PPARGC1A: variants seen among roughly 807,000 people sequenced by gnomAD.
PPARGC1A encodes peroxisome proliferator-activated receptor gamma coactivator 1-alpha.
In PPARGC1A, 25 loss-of-function variants were observed where a neutral mutation model predicts 88.7. The ratio of observed to expected loss-of-function variants is 0.28; its 90% CI spans 0.21 to 0.39. PPARGC1A has a LOEUF of 0.39. Ranked by LOEUF, PPARGC1A falls within the 10% of genes least tolerant of loss-of-function variation. The pLI is 1.00. For missense variants in PPARGC1A, 880 were observed against 968.7 expected (o/e 0.91, Z 1.22); for synonymous variants, 363 against 355.6 (o/e 1.02, Z -0.24).
chr4:24,296,014 A>ATATGTGTGTATG, the PPARGC1A span, among the ~76,000 whole-genome samples: 9 of 51,356 alleles, frequency 1.8e-4, no homozygotes, highest in African/African-American at 6.2e-4. Context: ...ATGTGTGTAT[A>ATATGTGTGTATG]TATATGTATA....
chr4:24,312,606 G>A, the PPARGC1A span, among the ~76,000 whole-genome samples: 1 of 146,428 alleles, frequency 6.8e-6, no homozygotes, highest in African/African-American at 2.5e-5. Context: ...AAAAATGTGG[G>A]GTGGGGGGGA....
chr4:23,881,397 T>C (rs1357754237), intron 2 of PPARGC1A: 1 of 152,230 alleles, frequency 6.6e-6, no homozygotes, highest in Non-Finnish European at 1.5e-5. Context: ...CTATTGCATG[T>C]TGCTACCCCT....
At chr4:24,252,475 C>A in the PPARGC1A span, among the ~76,000 whole-genome samples, 2 of 152,226 alleles carry the variant, frequency 1.3e-5, no homozygotes, top group Non-Finnish European at 2.9e-5. Context: ...CACTGCCAAC[C>A]AAGATTGCTG....
At chr4:24,215,398 T>C in the PPARGC1A span, among the ~76,000 whole-genome samples, 1 of 152,212 alleles carries the variant, frequency 6.6e-6, no homozygotes, top group Non-Finnish European at 1.5e-5. Flanking sequence ...ATTGGCCTCA[T>C]TAAATTACTG....
At chr4:23,889,004 A>G in intron 1 of PPARGC1A, 1 of 985,358 alleles carries the variant, frequency 1.0e-6, no homozygotes, top group Non-Finnish European at 1.2e-6. Context: ...AGAGCATTCC[A>G]TTGTGCTGAA....
the PPARGC1A span, among the ~76,000 whole-genome samples, chr4:24,135,480 TC>T: frequency 6.6e-6 from 1 of 152,086 alleles, no homozygotes; most frequent in Admixed American, 6.5e-5. Context: ...CTGTGACAAC[TC>T]TTTGGCATTT....
At chr4:24,002,068 T>TCACACACACACACACA in the PPARGC1A span, among the ~76,000 whole-genome samples, 1 of 122,950 alleles carries the variant, frequency 8.1e-6, no homozygotes, top group Non-Finnish European at 1.7e-5. Context: ...GATGATAAAT[T>TCACACACACACACACA]CACACACACA....
the PPARGC1A span, among the ~76,000 whole-genome samples, chr4:24,379,147 T>C: frequency 7.9e-5 from 12 of 152,184 alleles, no homozygotes; most frequent in African/African-American, 2.9e-4. Context: ...CAATAAGACA[T>C]GATTAAATAA....
At chr4:23,954,758 C>T in the PPARGC1A span, among the ~76,000 whole-genome samples, 2 of 151,922 alleles carry the variant, frequency 1.3e-5, no homozygotes, top group East Asian at 3.9e-4. Flanking sequence ...ATAATTATAA[C>T]TTGCTGGATA....
the PPARGC1A span, among the ~76,000 whole-genome samples, chr4:24,007,713 C>T: frequency 6.6e-6 from 1 of 152,088 alleles, no homozygotes; most frequent in Non-Finnish European, 1.5e-5. Flanking sequence ...GGGAGTCCAA[C>T]CATGGCAGGG....
chr4:24,098,243 G>A, the PPARGC1A span, among the ~76,000 whole-genome samples: 1 of 152,122 alleles, frequency 6.6e-6, no homozygotes, highest in African/African-American at 2.4e-5. Flanking sequence ...TTACTTTAAG[G>A]CTATGGCTTA....
At chr4:24,390,401 G>A in the PPARGC1A span, among the ~76,000 whole-genome samples, 1 of 151,462 alleles carries the variant, frequency 6.6e-6, no homozygotes. Flanking sequence ...TTAGTTTTTT[G>A]GAACTATATA....
the PPARGC1A span, among the ~76,000 whole-genome samples, chr4:24,353,402 G>T: frequency 2.1e-5 from 3 of 143,048 alleles, no homozygotes; most frequent in Non-Finnish European, 3.1e-5. Flanking sequence ...AAAAAAAAAA[G>T]ACAGGGACAA....
chr4:24,103,156 C>T, the PPARGC1A span, among the ~76,000 whole-genome samples: 5 of 152,176 alleles, frequency 3.3e-5, no homozygotes, highest in South Asian at 2.1e-4. Context: ...ATGAGGACAC[C>T]GAAGCATGGA....
At chr4:23,889,437 C>G (rs1717455433) in intron 1 of PPARGC1A, 3 of 933,920 alleles carry the variant, frequency 3.2e-6, no homozygotes, top group Non-Finnish European at 3.8e-6. Context: ...GTCTGATGAA[C>G]AGAGAGAGAG....
chr4:23,949,490 C>T, the PPARGC1A span, among the ~76,000 whole-genome samples: 1 of 152,072 alleles, frequency 6.6e-6, no homozygotes, highest in Non-Finnish European at 1.5e-5. Flanking sequence ...TGGCATTAAT[C>T]GAGAGAAGGA....
the PPARGC1A span, among the ~76,000 whole-genome samples, chr4:24,276,933 C>T: frequency 6.6e-6 from 1 of 152,168 alleles, no homozygotes; most frequent in African/African-American, 2.4e-5. Context: ...GAATATCAAG[C>T]GTCAGGCACC....
At chr4:24,315,037 A>G in the PPARGC1A span, among the ~76,000 whole-genome samples, 11 of 151,930 alleles carry the variant, frequency 7.2e-5, no homozygotes, top group Non-Finnish European at 1.0e-4. Context: ...AAAAAAAAAA[A>G]AGAAATCTAA....
At chr4:24,194,663 CA>C in the PPARGC1A span, among the ~76,000 whole-genome samples, 2 of 15,838 alleles carry the variant, frequency 1.3e-4, no homozygotes, top group Non-Finnish European at 1.8e-4. Context: ...CACACACACA[CA>C]CACACCCCCA....
Sources: allele counts gnomAD v4.1 joint callset (sites outside exome capture counted in the v4.1 genomes callset), GRCh38; gene constraint gnomAD v4.1.1; transcripts MANE v1.5; gene names NCBI Gene and HGNC (gene_info 2026-07-23, HGNC 2026-07-21).